Variants in ADAM7 observed in about 807,000 individuals in gnomAD.
The protein encoded by ADAM7 is ADAM metallopeptidase domain 7, also known as disintegrin and metalloproteinase domain-containing protein 7.
A neutral mutation model predicts 102.9 loss-of-function variants in ADAM7; 97 were observed. The observed-to-expected ratio is 0.94, with a 90% CI of 0.80 to 1.12. The LOEUF (loss-of-function observed/expected upper bound fraction) is 1.12, where lower values mean the gene tolerates loss of function less well. Ranked by LOEUF, ADAM7 falls within the 50% of genes most tolerant of loss-of-function variation. ADAM7 has a pLI of 0.00. For missense variants in ADAM7, 991 were observed against 908.7 expected (o/e 1.09, Z -1.16); for synonymous variants, 334 against 304.4 (o/e 1.10, Z -1.01).
At chr8:24,466,686 C>A (rs922569698) in intron 5 of ADAM7, 113 bp from the exon 6 acceptor site, 8 of 883,926 alleles carry the variant, frequency 9.1e-6, no homozygotes, top group Non-Finnish European at 1.4e-5. Flanking sequence ...ACTCTCCTAC[C>A]TGTTCATGAA....
intron 1 of ADAM7, among the ~76,000 whole-genome samples, 183 bp from the exon 2 acceptor site, chr8:24,442,290 T>C (rs1359144400): frequency 6.6e-6 from 1 of 152,194 alleles, no homozygotes; most frequent in Non-Finnish European, 1.5e-5. Context: ...CCTTATATTC[T>C]CCTGATTTGT....
rs142557961 is a variant in ADAM7, at chr8:24,456,299, A to C, written c.234-7583A>C. 1.3e-4 allele frequency among the ~76,000 whole-genome samples: 20 copies of C among 152,322 alleles called. No individual in the cohort carries two copies. In the East Asian group the frequency reaches 3.9e-3, roughly 29 times the overall value. On this transcript the variant is annotated intron_variant, in intron 3 of 21. Transcript: ENST00000175238. The stretch of plus-strand genomic sequence containing the variant: ...TTCCACACATGTTGTCATAAATGAC[A>C]GAATTTTCCTCTATTTTAAGGCCGA...
rs1820665708 is a variant in ADAM7 at position 24,499,301 on chromosome 8, G to T, written c.1908G>T (p.Gln636His). The change falls in exon 17 of 22, where the codon CAG (glutamine) becomes CAT (histidine). Residue 636 changes from glutamine to histidine, a missense_variant. Gln to His is a conservative substitution (Grantham distance 24). Coordinates refer to ENST00000175238, the MANE Select transcript of ADAM7 (RefSeq NM_003817.4). ...ATATCTCAACCAATTGCCCCTCTCA[G>T]TGCAATGAAAATCCTGTAAGATATG... ...KVYISTNCPS[Q>H]CNENPVDGHG... is the part of the protein sequence containing the mutation. 1 of 1,604,804 alleles carries T rather than the reference G, an allele frequency of 6.2e-7. No individual in the cohort carries two copies. Among genetic ancestry groups the T allele is most frequent in the African/African-American group, 1.3e-5 (1 of 74,536 alleles).
chr8:24,473,940 A>G lies in ADAM7; in HGVS notation c.634-2493A>G, dbSNP rs1485820268. On this transcript the variant is annotated intron_variant, in intron 7 of 21. Transcript: ENST00000175238. ...TACATATAATTCAACACTCATTCAT[A>G]ATAAAACTCTTAGGATATAAAAAGT... Among the ~76,000 whole-genome samples the G allele has an allele frequency of 2.6e-5, 4 of 152,118 alleles. No individual in the cohort carries two copies. In the East Asian group the frequency reaches 7.7e-4, roughly 29 times the overall value.
intron 21 of ADAM7, among the ~76,000 whole-genome samples, chr8:24,508,084 T>G (rs1218924103): frequency 6.6e-6 from 1 of 152,058 alleles, no homozygotes; most frequent in Non-Finnish European, 1.5e-5. Flanking sequence ...ACATTTTGAG[T>G]TTGTTTTCAT....
intron 4 of ADAM7, among the ~76,000 whole-genome samples, chr8:24,464,465 CTA>C (rs1819357523): frequency 6.6e-6 from 1 of 152,058 alleles, no homozygotes; most frequent in Non-Finnish European, 1.5e-5. Context: ...TTAATAAAAT[CTA>C]GATACAGATT....
At chr8:24,443,939 AAAAAT>A (rs144352481) in intron 2 of ADAM7, among the ~76,000 whole-genome samples, 96,971 of 145,454 alleles carry the variant, frequency 0.67, 32,936 homozygotes, top group African/African-American at 0.74. Flanking sequence ...CTCAAAAAAT[AAAAAT>A]AAAATAAAAT....
chr8:24,457,230 A>G (rs1285217040), intron 3 of ADAM7, among the ~76,000 whole-genome samples: 1 of 152,020 alleles, frequency 6.6e-6, no homozygotes, highest in East Asian at 1.9e-4. Flanking sequence ...ATATCTTTTT[A>G]ATCTTTAAAT....
chr8:24,508,414 AG>A (rs1180307128), intron 21 of ADAM7, 131 bp from the exon 22 acceptor site: 2 of 862,200 alleles, frequency 2.3e-6, no homozygotes, highest in Non-Finnish European at 1.8e-6. Context: ...GATCTATAAA[AG>A]CATGAATAAA....
chr8:24,452,964 T>C (rs1818858399), intron 3 of ADAM7, among the ~76,000 whole-genome samples: 1 of 150,764 alleles, frequency 6.6e-6, no homozygotes, highest in Non-Finnish European at 1.5e-5. Context: ...TCTTTAAGAA[T>C]GTTGAATATT....
Position 24,489,259 on chromosome 8 carries a change from A to G in ADAM7, c.1192A>G (p.Asn398Asp). Residue 398 changes from asparagine (N) to aspartate (D), a missense_variant, in exon 12 of 22, where the codon AAT becomes GAT. Coordinates refer to ENST00000175238, the MANE Select transcript of ADAM7 (RefSeq NM_003817.4). ...CATGCTCAACATTCCATTTCCTTAC[A>G]ATTTTCATGATTTCCAATTTTGTGG... ...TCMLNIPFPY[N>D]FHDFQFCGNK... 1 of 1,613,570 alleles carries G rather than the reference A, an allele frequency of 6.2e-7. No homozygotes were observed. The highest frequency in any genetic ancestry group is 2.2e-5 in the East Asian group (1 of 44,834).
At chr8:24,441,835 C>T (rs1585839844) in intron 1 of ADAM7, among the ~76,000 whole-genome samples, 1 of 152,166 alleles carries the variant, frequency 6.6e-6, no homozygotes, top group Admixed American at 6.5e-5. Flanking sequence ...ACAGTGCAGG[C>T]TTTGACAGGA....
At chr8:24,485,542 GATAA>G (rs1177690100) in intron 10 of ADAM7, among the ~76,000 whole-genome samples, 181 bp downstream of exon 10, 3 of 152,090 alleles carry the variant, frequency 2.0e-5, no homozygotes, top group African/African-American at 4.8e-5. Flanking sequence ...AAAAATTATA[GATAA>G]ATATTGAAGG....
chr8:24,467,018 A>G (rs1360668195), intron 6 of ADAM7, 30 bp downstream of exon 6: 2 of 1,566,704 alleles, frequency 1.3e-6, no homozygotes, highest in East Asian at 2.3e-5. Context: ...CTTTACCCCA[A>G]ATGAAACACC....
chr8:24,472,732 G>T (rs1819647583), intron 7 of ADAM7, among the ~76,000 whole-genome samples: 1 of 151,838 alleles, frequency 6.6e-6, no homozygotes, highest in African/African-American at 2.4e-5. Context: ...AAGGTATAAA[G>T]AAGAAAGTAA....
intron 4 of ADAM7, 66 bp downstream of exon 4, chr8:24,464,026 C>G (rs1215741977): frequency 3.6e-6 from 5 of 1,397,416 alleles, no homozygotes; most frequent in African/African-American, 1.4e-5. Context: ...ATTTTGAAAC[C>G]CTGTTCTAGC....
intron 3 of ADAM7, among the ~76,000 whole-genome samples, chr8:24,452,791 G>C (rs1183377996): frequency 3.3e-5 from 5 of 151,714 alleles, no homozygotes; most frequent in South Asian, 2.1e-4. Context: ...GCTGGTACCA[G>C]TTGTTCCTTT....
intron 4 of ADAM7, 79 bp downstream of exon 4, chr8:24,464,039 T>TACC: frequency 7.8e-7 from 1 of 1,287,280 alleles, no homozygotes; most frequent in Non-Finnish European, 1.1e-6. Flanking sequence ...GTTCTAGCTG[T>TACC]ACAAGCTGTT....
chr8:24,467,184 G>C, intron 6 of ADAM7, 196 bp downstream of exon 6: 1 of 603,422 alleles, frequency 1.7e-6, no homozygotes, highest in Non-Finnish European at 2.9e-6. Context: ...TGTTTAATCA[G>C]TTTCAAGAAA....
Sources: allele counts gnomAD v4.1 joint callset (sites outside exome capture counted in the v4.1 genomes callset), GRCh38; gene constraint gnomAD v4.1.1; transcripts MANE v1.5; gene names NCBI Gene and HGNC (gene_info 2026-07-23, HGNC 2026-07-21).